The following SH3RF3 variants were observed in gnomAD, a reference collection of about 807,000 sequenced individuals.
SH3RF3 encodes the protein SH3 domain containing ring finger 3, also known as E3 ubiquitin-protein ligase SH3RF3.
Under a neutral mutation model 66.3 loss-of-function variants are expected in SH3RF3, and 29 were observed. The observed-to-expected ratio is 0.44, with a 90% confidence interval of 0.33 to 0.60. The LOEUF is 0.60. Among genes scored for constraint, SH3RF3 ranks in the 20% least tolerant of loss-of-function variants. The probability of loss-of-function intolerance (pLI) is 0.04; values close to 1 mark genes in which losing one functional copy is unlikely to be tolerated. For missense variants in SH3RF3, 1,194 were observed against 1,190.9 expected (o/e 1.00, Z -0.04); for synonymous variants, 583 against 532.0 (o/e 1.10, Z -1.32).
chr2:109,337,032 A>T (rs1682437673), intron 1 of SH3RF3, among the ~76,000 whole-genome samples: 1 of 152,232 alleles, frequency 6.6e-6, no homozygotes, highest in African/African-American at 2.4e-5. Context: ...GTATGCTTTG[A>T]TTCAGGCTTA....
intron 1 of SH3RF3, among the ~76,000 whole-genome samples, chr2:109,217,929 A>C (rs1679138218): frequency 6.6e-6 from 1 of 152,126 alleles, no homozygotes; most frequent in Non-Finnish European, 1.5e-5. Context: ...CTTGCAAGAC[A>C]GCTCAGCCAG....
chr2:109,144,046 G>A (rs1020301514), intron 1 of SH3RF3, among the ~76,000 whole-genome samples: 1 of 152,188 alleles, frequency 6.6e-6, no homozygotes, highest in South Asian at 2.1e-4. Flanking sequence ...CGAGGCGCCG[G>A]AAGTGTGGGA....
At chr2:109,360,746 G>C (rs756789477) in intron 2 of SH3RF3, among the ~76,000 whole-genome samples, 1 of 152,194 alleles carries the variant, frequency 6.6e-6, no homozygotes, top group Non-Finnish European at 1.5e-5. Context: ...CTAAATAGAT[G>C]ATCATGTCAT....
At chr2:109,135,953 G>T (rs1037376284) in intron 1 of SH3RF3, among the ~76,000 whole-genome samples, 1 of 152,202 alleles carries the variant, frequency 6.6e-6, no homozygotes, top group East Asian at 1.9e-4. Context: ...GATCCAGCCT[G>T]TTGGCAGGCT....
chr2:109,188,473 T>C (rs1242819412), intron 1 of SH3RF3, among the ~76,000 whole-genome samples: 1 of 152,180 alleles, frequency 6.6e-6, no homozygotes, highest in Non-Finnish European at 1.5e-5. Context: ...TGTTTCCCCC[T>C]GGGGTTTGTG....
chr2:109,435,959 C>T lies in SH3RF3; in HGVS notation c.1575-934C>T, dbSNP rs528320688. 3.9e-5 allele frequency among the ~76,000 whole-genome samples: 6 copies of T among 152,228 alleles called. No individual in the cohort carries two copies. The East Asian group carries it at 1.2e-3, about 29-fold the overall frequency. On this transcript the variant is annotated intron_variant, in intron 6 of 9. Transcript: ENST00000309415. ...GCAGGTGAGTCCTTTTCCAAGAGGC[C>T]CCTCTCCTCTCAGCTGCTGTGCAGA...
At chr2:109,478,920 G>C (rs1319492604) in intron 8 of SH3RF3, among the ~76,000 whole-genome samples, 1 of 152,172 alleles carries the variant, frequency 6.6e-6, no homozygotes, top group African/African-American at 2.4e-5. Flanking sequence ...AATTGGGGCA[G>C]GGCATGACAG....
intron 1 of SH3RF3, among the ~76,000 whole-genome samples, chr2:109,287,354 C>G (rs181311723): frequency 2.6e-4 from 39 of 152,278 alleles, no homozygotes; most frequent in Admixed American, 1.8e-3. Flanking sequence ...GAAAGTACAT[C>G]TTGACTCTGA....
chr2:109,438,198 G>A (rs1005762326), intron 7 of SH3RF3, among the ~76,000 whole-genome samples: 5 of 152,184 alleles, frequency 3.3e-5, no homozygotes, highest in Non-Finnish European at 5.9e-5. Flanking sequence ...TAGCTGATGG[G>A]ACAAGGGGTG....
chr2:109,480,207 C>G (rs947957602), intron 8 of SH3RF3, among the ~76,000 whole-genome samples: 14 of 152,242 alleles, frequency 9.2e-5, no homozygotes, highest in African/African-American at 3.1e-4. Context: ...CTGCATGGCA[C>G]CAAACATCTG....
chr2:109,166,704 A>T (rs1172234375), intron 1 of SH3RF3, among the ~76,000 whole-genome samples: 1 of 152,214 alleles, frequency 6.6e-6, no homozygotes, highest in Non-Finnish European at 1.5e-5. Context: ...TTTTCAAAGC[A>T]ATTTGGAATG....
chr2:109,197,435 T>A (rs1322638224), intron 1 of SH3RF3, among the ~76,000 whole-genome samples: 1 of 152,140 alleles, frequency 6.6e-6, no homozygotes, highest in Non-Finnish European at 1.5e-5. Context: ...TCTCTTATCT[T>A]GTTTCTTCAT....
At chr2:109,463,795 T>G (rs1279744864) in intron 8 of SH3RF3, among the ~76,000 whole-genome samples, 2 of 152,200 alleles carry the variant, frequency 1.3e-5, no homozygotes, top group Non-Finnish European at 2.9e-5. Flanking sequence ...CTCTGTGACA[T>G]GGAGAGATGC....
intron 8 of SH3RF3, among the ~76,000 whole-genome samples, chr2:109,450,207 A>G (rs1677827968): frequency 6.6e-6 from 1 of 152,130 alleles, no homozygotes. Context: ...TTAGCCAGGC[A>G]TGGTGGCGTG....
At chr2:109,354,889 C>A (rs2105596518) in intron 2 of SH3RF3, among the ~76,000 whole-genome samples, 1 of 152,364 alleles carries the variant, frequency 6.6e-6, no homozygotes, top group South Asian at 2.1e-4. Context: ...ACCATGTCAC[C>A]TGAATCCTTT....
At chr2:109,247,387 C>T (rs188813780) in intron 1 of SH3RF3, among the ~76,000 whole-genome samples, 1 of 152,362 alleles carries the variant, frequency 6.6e-6, no homozygotes, top group Admixed American at 6.5e-5. Flanking sequence ...AGTAACCTAG[C>T]ACACTTGTGT....
At chr2:109,235,048 C>T (rs1341138566) in intron 1 of SH3RF3, among the ~76,000 whole-genome samples, 1 of 152,162 alleles carries the variant, frequency 6.6e-6, no homozygotes, top group East Asian at 1.9e-4. Flanking sequence ...CCCAGTAGGC[C>T]ATCATGTTCT....
At chr2:109,210,550 A>G (rs1394764174) in intron 1 of SH3RF3, among the ~76,000 whole-genome samples, 1 of 152,210 alleles carries the variant, frequency 6.6e-6, no homozygotes, top group African/African-American at 2.4e-5. Flanking sequence ...GGGGCTTTCA[A>G]GAGCTCAGGG....
intron 7 of SH3RF3, among the ~76,000 whole-genome samples, chr2:109,445,863 T>C (rs1171795438): frequency 6.6e-6 from 1 of 152,184 alleles, no homozygotes; most frequent in Non-Finnish European, 1.5e-5. Flanking sequence ...GATCATTTAT[T>C]CATTCCCCTA....
Sources: gnomAD v4.1 joint callset for allele counts (sites outside exome capture counted in the v4.1 genomes callset) on GRCh38, gnomAD v4.1.1 for gene constraint, MANE v1.5 for transcripts, NCBI Gene and HGNC (gene_info 2026-07-23, HGNC 2026-07-21) for gene names.